Variants in PRKRIP1 observed in about 807,000 individuals in gnomAD.
PRKRIP1 encodes PRKR interacting protein 1.
In PRKRIP1, 29 loss-of-function variants were observed where a neutral mutation model predicts 29.3. That is an observed-to-expected ratio of 0.99 (90% CI 0.74 to 1.35). The LOEUF is 1.35. Ranked by LOEUF, PRKRIP1 falls within the 40% of genes most tolerant of loss-of-function variation. The pLI is 0.00. For missense variants in PRKRIP1, 247 were observed against 236.8 expected, an observed-to-expected ratio of 1.04 and a Z score of -0.28; for synonymous variants, 90 against 85.1, an observed-to-expected ratio of 1.06 and a Z score of -0.32.
chr7:102,396,708 T>C (rs776394766), intron 1 of PRKRIP1, among the ~76,000 whole-genome samples, 171 bp downstream of exon 1: 2 of 152,126 alleles, frequency 1.3e-5, no homozygotes, highest in Admixed American at 6.6e-5. Context: ...GTCCCGGAGA[T>C]AGTGAACTTC....
chr7:102,424,766 C>T (rs537971747), intron 5 of PRKRIP1, among the ~76,000 whole-genome samples: 70 of 152,228 alleles, frequency 4.6e-4, no homozygotes, highest in African/African-American at 1.6e-3. Flanking sequence ...TCGGGTCTTG[C>T]GTGTGCCTCT....
rs782013735 is a variant in PRKRIP1 at position 102,425,001 on chromosome 7, C to T, written c.458-13C>T. On this transcript the variant is annotated splice_polypyrimidine_tract_variant and intron_variant, in intron 5 of 5. Transcript: ENST00000397912. Reference sequence around the variant, plus strand: ...TTTTGCATGTCTGTAATTTGAATGTCGTGTGGTTACAGGACCCGGTCAGCC... The same window carrying T: ...TTTTGCATGTCTGTAATTTGAATGTTGTGTGGTTACAGGACCCGGTCAGCC... The T allele has an allele frequency of 6.8e-6, 11 of 1,607,812 alleles. No individual in the cohort carries two copies. The highest frequency in any genetic ancestry group is 1.1e-5 in the South Asian group (1 of 90,512).
At chr7:102,422,995 A>G in intron 5 of PRKRIP1, 1 of 338,196 alleles carries the variant, frequency 3.0e-6, no homozygotes, top group Non-Finnish European at 6.1e-6. Flanking sequence ...CCCATACTGC[A>G]TTTTCAAAGG....
At chr7:102,414,578 G>T (rs1796480703) in intron 5 of PRKRIP1, among the ~76,000 whole-genome samples, 1 of 152,218 alleles carries the variant, frequency 6.6e-6, no homozygotes, top group African/African-American at 2.4e-5. Context: ...CCTTTCTGGG[G>T]TGATAGATTA....
chr7:102,416,153 A>G (rs1205042270), intron 5 of PRKRIP1, among the ~76,000 whole-genome samples: 1 of 152,254 alleles, frequency 6.6e-6, no homozygotes, highest in Non-Finnish European at 1.5e-5. Flanking sequence ...CCTTGGCTGC[A>G]GGCCCTGCCA....
intron 5 of PRKRIP1, among the ~76,000 whole-genome samples, chr7:102,418,592 G>A (rs1296274957): frequency 6.6e-6 from 1 of 152,110 alleles, no homozygotes; most frequent in Non-Finnish European, 1.5e-5. Flanking sequence ...AGCCCAGTAT[G>A]ACATAGCTCA....
intron 5 of PRKRIP1, among the ~76,000 whole-genome samples, chr7:102,415,977 C>A (rs534501174): frequency 6.6e-6 from 1 of 152,376 alleles, no homozygotes; most frequent in Non-Finnish European, 1.5e-5. Flanking sequence ...GCTGCCTGTA[C>A]TCTGTTCACG....
At chr7:102,413,757 G>C (rs1391613105) in intron 5 of PRKRIP1, among the ~76,000 whole-genome samples, 3 of 152,100 alleles carry the variant, frequency 2.0e-5, no homozygotes, top group African/African-American at 7.2e-5. Context: ...TGTATCACAA[G>C]TGTTTTCCCA....
At chr7:102,424,002 T>C (rs1796772896) in intron 5 of PRKRIP1, among the ~76,000 whole-genome samples, 1 of 152,252 alleles carries the variant, frequency 6.6e-6, no homozygotes, top group Admixed American at 6.5e-5. Flanking sequence ...CTGTGTGGTA[T>C]GAGGTTGAGG....
intron 4 of PRKRIP1, chr7:102,405,961 T>C: frequency 3.4e-6 from 1 of 296,246 alleles, no homozygotes; most frequent in Non-Finnish European, 6.8e-6. Context: ...GTGCTTTCCC[T>C]GCAAAAAGTT....
In PRKRIP1 at chr7:102,426,514, T is replaced by TTCTGTAGTGTAGATTGCCCCGGCCCCTC. The variant is rs1796834740; in HGVS notation, c.*1408_*1435dup. The TTCTGTAGTGTAGATTGCCCCGGCCCCTC allele has an allele frequency of 1.3e-5, 2 of 152,684 alleles. No individual in the cohort carries two copies. Among genetic ancestry groups the TTCTGTAGTGTAGATTGCCCCGGCCCCTC allele is most frequent in the Non-Finnish European group, 2.9e-5 (2 of 68,074 alleles). The allele number at this position is 152,684 out of a possible 1,614,324, so 9.5% of individuals were successfully genotyped here. ...CAGAAACATTTTACGTTGCTTTTAC[T>TTCTGTAGTGTAGATTGCCCCGGCCCCTC]TCTGTAGTGTAGATTGCCCCGGCCC... On this transcript the variant is annotated 3_prime_UTR_variant, in exon 6 of 6. Transcript: ENST00000397912.
chr7:102,412,766 C>T (rs1796423078), intron 5 of PRKRIP1, among the ~76,000 whole-genome samples: 1 of 152,174 alleles, frequency 6.6e-6, no homozygotes, highest in Non-Finnish European at 1.5e-5. Flanking sequence ...GGCTCTTCTC[C>T]TAAAAAGCAG....
chr7:102,405,777 A>AT (rs1554571746), intron 4 of PRKRIP1: 1 of 181,512 alleles, frequency 5.5e-6, no homozygotes, highest in Non-Finnish European at 1.3e-5. Context: ...TGGACCGTGA[A>AT]TTTTAGATCA....
intron 4 of PRKRIP1, among the ~76,000 whole-genome samples, chr7:102,406,916 T>TCTATTTAAGA (rs1158154291): frequency 6.7e-6 from 1 of 149,844 alleles, no homozygotes; most frequent in African/African-American, 2.5e-5. Flanking sequence ...CATAATCACA[T>TCTATTTAAGA]CTATTTAAGA....
At chr7:102,407,924 G>A (rs1334596690) in intron 5 of PRKRIP1, among the ~76,000 whole-genome samples, 1 of 152,180 alleles carries the variant, frequency 6.6e-6, no homozygotes, top group Admixed American at 6.5e-5. Context: ...AAGTCTTTTT[G>A]TGTCTCTCTG....
intron 3 of PRKRIP1, among the ~76,000 whole-genome samples, 154 bp downstream of exon 3, chr7:102,399,802 G>A (rs147147953): frequency 0.012 from 1,755 of 152,230 alleles, 25 homozygotes; most frequent in Non-Finnish European, 0.018. Flanking sequence ...CTGAGGTCGG[G>A]AGTTTGAGAC....
At chr7:102,423,522 C>T (rs1219171245) in intron 5 of PRKRIP1, 2 of 219,498 alleles carry the variant, frequency 9.1e-6, no homozygotes, top group Non-Finnish European at 1.9e-5. Context: ...CAGCAAGTTC[C>T]TCCACCTCTC....
intron 3 of PRKRIP1, among the ~76,000 whole-genome samples, chr7:102,403,568 G>A (rs1287124355): frequency 6.6e-6 from 1 of 152,098 alleles, no homozygotes; most frequent in African/African-American, 2.4e-5. Flanking sequence ...GCAATTTCCG[G>A]TCTCTGCAAC....
intron 3 of PRKRIP1, among the ~76,000 whole-genome samples, chr7:102,400,779 G>T (rs1242292479): frequency 6.6e-6 from 1 of 152,038 alleles, no homozygotes; most frequent in Non-Finnish European, 1.5e-5. Context: ...GGGACTATAG[G>T]CACAACCCCC....
Sources: allele counts gnomAD v4.1 joint callset (sites outside exome capture counted in the v4.1 genomes callset), GRCh38; gene constraint gnomAD v4.1.1; transcripts MANE v1.5; gene names NCBI Gene and HGNC (gene_info 2026-07-23, HGNC 2026-07-21).